The following CPA6 variants were observed in gnomAD, a reference collection of about 807,000 sequenced individuals.
The protein encoded by CPA6 is carboxypeptidase A6.
A neutral mutation model predicts 63.3 loss-of-function variants in CPA6; 58 were observed. That is an observed-to-expected ratio of 0.92 (90% CI 0.74 to 1.14). The LOEUF (loss-of-function observed/expected upper bound fraction) is 1.14, where lower values mean the gene tolerates loss of function less well. Among genes scored for constraint, CPA6 ranks in the 50% most tolerant of loss-of-function variants. CPA6 has a pLI of 0.00. For missense variants in CPA6, 565 were observed against 526.6 expected (o/e 1.07, Z -0.71); for synonymous variants, 185 against 179.0 (o/e 1.03, Z -0.27).
intron 10 of CPA6, among the ~76,000 whole-genome samples, chr8:67,425,998 G>T (rs1809874618): frequency 6.6e-6 from 1 of 151,612 alleles, no homozygotes; most frequent in South Asian, 2.1e-4. Context: ...TGGGGTTCAA[G>T]AGATTCTCCT....
Position 67,483,864 on chromosome 8 carries a change from C to T in CPA6, c.748-6G>A, listed in dbSNP as rs749601195. 3 of 1,611,230 alleles carry T rather than the reference C, an allele frequency of 1.9e-6. No homozygotes were observed. In the South Asian group the frequency reaches 3.3e-5, roughly 18 times the overall value. ...GTTTTTCTCCAAAATCGATCCTAGA[C>T]ATAATTAAGAAAACAGGTGCTGAGA... is the stretch of plus-strand genomic sequence containing the variant. On this transcript the variant is annotated splice_polypyrimidine_tract_variant and splice_region_variant and intron_variant, in intron 7 of 10. Transcript: ENST00000297770.
chr8:67,422,796 C>T (rs1809797754), intron 10 of CPA6, 105 bp from the exon 11 acceptor site: 2 of 811,490 alleles, frequency 2.5e-6, no homozygotes, highest in Admixed American at 3.0e-5. Flanking sequence ...TTTACTAAAT[C>T]CTTCCAATTA....
chr8:67,506,035 C>T (rs1811919519), intron 6 of CPA6, among the ~76,000 whole-genome samples: 1 of 151,488 alleles, frequency 6.6e-6, no homozygotes, highest in Admixed American at 6.6e-5. Flanking sequence ...CACCCCTCAA[C>T]TGCCAAAACT....
At chr8:67,424,360 AAAAAGGT>A (rs1373080453) in intron 10 of CPA6, among the ~76,000 whole-genome samples, 2 of 152,108 alleles carry the variant, frequency 1.3e-5, no homozygotes, top group African/African-American at 4.8e-5. Flanking sequence ...CCCTGGTGCC[AAAAAGGT>A]TGGGGACTGC....
At chr8:67,427,618 G>A (rs1294905028) in intron 10 of CPA6, among the ~76,000 whole-genome samples, 5 of 152,076 alleles carry the variant, frequency 3.3e-5, no homozygotes, top group African/African-American at 1.2e-4. Flanking sequence ...TTCAATGGAC[G>A]GTGCTACATA....
At chr8:67,475,871 CTTTCTT>C (rs1811201466) in intron 8 of CPA6, among the ~76,000 whole-genome samples, 3 of 79,916 alleles carry the variant, frequency 3.8e-5, no homozygotes, top group African/African-American at 1.6e-4. Flanking sequence ...TTCTTTCTTT[CTTTCTT>C]TCTCCTTTCT....
At chr8:67,670,286 G>GA (rs1410677890) in intron 1 of CPA6, among the ~76,000 whole-genome samples, 4 of 152,306 alleles carry the variant, frequency 2.6e-5, no homozygotes, top group African/African-American at 9.6e-5. Flanking sequence ...AGGTGAGGGG[G>GA]AAGCAGGCAG....
Position 67,701,876 on chromosome 8 carries a change from C to T in CPA6, c.116+44138G>A, listed in dbSNP as rs1332959921. On this transcript the variant is annotated intron_variant, in intron 1 of 10. Coordinates refer to ENST00000297770, the MANE Select transcript of CPA6 (RefSeq NM_020361.5). ...CATTAGGATTACTACAGAGGCTGAACTCTAACTGCAGTCGCTTACAATTCA... is the reference window on the plus strand; with the variant it reads ...CATTAGGATTACTACAGAGGCTGAATTCTAACTGCAGTCGCTTACAATTCA... Among the ~76,000 whole-genome samples, 3 of 152,170 alleles carry T rather than the reference C, an allele frequency of 2.0e-5. No homozygotes were observed. In the East Asian group the frequency reaches 5.8e-4, roughly 29 times the overall value.
intron 1 of CPA6, among the ~76,000 whole-genome samples, chr8:67,714,524 C>A (rs914097771): frequency 5.9e-5 from 9 of 152,136 alleles, no homozygotes; most frequent in African/African-American, 1.9e-4. Flanking sequence ...CATAGGGAGA[C>A]CCTGTCTCTA....
In CPA6 at chr8:67,610,021, C is replaced by CAACAAAACAA. The variant is rs112893898; in HGVS notation, c.192+14145_192+14154dup. On this transcript the variant is annotated intron_variant, in intron 2 of 10. Transcript: ENST00000297770. ...TGGGTGACAGAGCGAGACTCCGTCTCAACAAAACAAAACAAAACAAAACAA... is the reference window on the plus strand; with the variant it reads ...TGGGTGACAGAGCGAGACTCCGTCTCAACAAAACAAAACAAAACAAAACAAAACAAAACAA... 5.8e-3 allele frequency among the ~76,000 whole-genome samples: 863 copies of CAACAAAACAA among 149,174 alleles called. 2 individuals carry two copies. Among genetic ancestry groups the CAACAAAACAA allele is most frequent in the South Asian group, 0.013 (61 of 4,644 alleles).
chr8:67,721,823 T>C (rs116356129), intron 1 of CPA6, among the ~76,000 whole-genome samples: 1 of 152,208 alleles, frequency 6.6e-6, no homozygotes, highest in African/African-American at 2.4e-5. Context: ...CTTGTTGCCA[T>C]TATGTTTAGC....
Position 67,483,836 on chromosome 8 carries a change from C to T in CPA6, c.770G>A (p.Arg257Lys), listed in dbSNP as rs766547842. ...GCAGCGAAACCTTGAGTTCCTTGACCTTGTTTTTCTCCAAAATCGATCCTA... is the reference window on the plus strand; with the variant it reads ...GCAGCGAAACCTTGAGTTCCTTGACTTTGTTTTTCTCCAAAATCGATCCTA... ...WTNDRFWRKT[R>K]SRNSRFRCRG... Residue 257 changes from arginine (R) to lysine (K), a missense_variant, in exon 8 of 11, where the codon AGG becomes AAG. Arg to Lys is a conservative substitution (Grantham distance 26). Coordinates refer to ENST00000297770, the MANE Select transcript of CPA6 (RefSeq NM_020361.5). The T allele has an allele frequency of 1.2e-6, 2 of 1,614,088 alleles. No homozygotes were observed. The highest frequency in any genetic ancestry group is 1.7e-6 in the Non-Finnish European group (2 of 1,179,960).
At chr8:67,713,099 G>GTGTGTGTGTGTGTGTATA (rs1328463977) in intron 1 of CPA6, among the ~76,000 whole-genome samples, 31 of 55,016 alleles carry the variant, frequency 5.6e-4, no homozygotes, top group African/African-American at 2.2e-3. Context: ...GTGTGTGTGT[G>GTGTGTGTGTGTGTGTATA]TATATATATA....
At chr8:67,424,439 G>A (rs911983128) in intron 10 of CPA6, among the ~76,000 whole-genome samples, 4 of 151,966 alleles carry the variant, frequency 2.6e-5, no homozygotes. Flanking sequence ...ACTTTCCCCC[G>A]TTGAGCTCAG....
chr8:67,530,939 A>G (rs182310794), intron 2 of CPA6, among the ~76,000 whole-genome samples: 99 of 152,344 alleles, frequency 6.5e-4, no homozygotes, highest in Non-Finnish European at 4.3e-4. Context: ...AACCTTGCAA[A>G]AGAAGAGTTT....
intron 9 of CPA6, among the ~76,000 whole-genome samples, chr8:67,431,532 T>C (rs957492205): frequency 3.3e-5 from 5 of 152,136 alleles, no homozygotes; most frequent in Non-Finnish European, 7.4e-5. Flanking sequence ...CCAGCCCTCA[T>C]ACAATAATTT....
At chr8:67,512,952 G>T (rs575525429) in intron 3 of CPA6, among the ~76,000 whole-genome samples, 3 of 152,274 alleles carry the variant, frequency 2.0e-5, no homozygotes, top group African/African-American at 7.2e-5. Flanking sequence ...CTGGGTATAG[G>T]ACATTCTTTT....
intron 2 of CPA6, among the ~76,000 whole-genome samples, chr8:67,615,148 C>T (rs1370478852): frequency 6.6e-6 from 1 of 152,088 alleles, no homozygotes; most frequent in Non-Finnish European, 1.5e-5. Context: ...GCAACATTGA[C>T]CTCTAAAACC....
At chr8:67,556,426 T>C (rs537512216) in intron 2 of CPA6, among the ~76,000 whole-genome samples, 1 of 152,198 alleles carries the variant, frequency 6.6e-6, no homozygotes, top group South Asian at 2.1e-4. Flanking sequence ...GCACAGAACT[T>C]GAAGGTGAAC....
Sources: gnomAD v4.1 joint callset for allele counts (sites outside exome capture counted in the v4.1 genomes callset) on GRCh38, gnomAD v4.1.1 for gene constraint, MANE v1.5 for transcripts, NCBI Gene and HGNC (gene_info 2026-07-23, HGNC 2026-07-21) for gene names.